CPQ: variants seen among roughly 807,000 people sequenced by gnomAD.
CPQ encodes carboxypeptidase Q, also known as Ser-Met dipeptidase.
In CPQ, 37 loss-of-function variants were observed where a neutral mutation model predicts 45.7. The ratio of observed to expected loss-of-function variants is 0.81; its 90% confidence interval spans 0.62 to 1.07. The LOEUF (loss-of-function observed/expected upper bound fraction) is 1.07. Among genes scored for constraint, CPQ ranks in the 50% least tolerant of loss-of-function variants. The probability of loss-of-function intolerance (pLI) is 0.00; values close to 1 mark genes in which losing one functional copy is unlikely to be tolerated. For missense variants in CPQ, 537 were observed against 572.9 expected, an observed-to-expected ratio of 0.94 and a Z score of 0.64; for synonymous variants, 186 against 205.8, an observed-to-expected ratio of 0.90 and a Z score of 0.82.
In CPQ at chr8:97,143,380, C is replaced by T. The variant is rs1362129999; in HGVS notation, c.*197C>T. On this transcript the variant is annotated 3_prime_UTR_variant, in exon 8 of 8. Coordinates refer to ENST00000220763, the MANE Select transcript of CPQ (RefSeq NM_016134.4). ...AAAAAGGAATCATTCTCCCCTCCCTCCCACCACATAGAATCAACATATGGT... is the reference window on the plus strand; with the variant it reads ...AAAAAGGAATCATTCTCCCCTCCCTTCCACCACATAGAATCAACATATGGT... The T allele has an allele frequency of 9.2e-6, 5 of 545,204 alleles. No individual in the cohort carries two copies. The East Asian group carries it at 1.3e-4, about 14-fold the overall frequency. The allele number at this position is 545,204 out of a possible 1,614,324, so 33.8% of individuals were successfully genotyped here.
At chr8:96,777,854 G>A (rs1262988828) in intron 1 of CPQ, among the ~76,000 whole-genome samples, 8 of 131,894 alleles carry the variant, frequency 6.1e-5, no homozygotes, top group Non-Finnish European at 1.1e-4. Flanking sequence ...TCAGCCTTCC[G>A]AGTAGCTGGG....
intron 4 of CPQ, among the ~76,000 whole-genome samples, chr8:96,906,072 C>T (rs1352350074): frequency 9.6e-6 from 1 of 104,470 alleles, no homozygotes; most frequent in Admixed American, 8.9e-5. Flanking sequence ...CCTGCCACAG[C>T]CCCAGGCAAT....
intron 5 of CPQ, among the ~76,000 whole-genome samples, chr8:96,977,638 C>G (rs561735313): frequency 6.6e-6 from 1 of 152,142 alleles, no homozygotes; most frequent in Non-Finnish European, 1.5e-5. Flanking sequence ...GAATATTACT[C>G]AGCCACAAAA....
intron 1 of CPQ, among the ~76,000 whole-genome samples, chr8:96,735,752 C>T (rs745865333): frequency 6.6e-6 from 1 of 152,126 alleles, no homozygotes; most frequent in Non-Finnish European, 1.5e-5. Flanking sequence ...CTTCTTGTCC[C>T]AGATCTTTCA....
At chr8:96,743,946 C>T (rs1328010853) in intron 1 of CPQ, among the ~76,000 whole-genome samples, 2 of 152,184 alleles carry the variant, frequency 1.3e-5, no homozygotes. Context: ...TGTGCCCTGC[C>T]CCCAGAGGTG....
At chr8:97,039,482 TTTA>T (rs1020790046) in intron 6 of CPQ, among the ~76,000 whole-genome samples, 11 of 151,536 alleles carry the variant, frequency 7.3e-5, no homozygotes, top group Non-Finnish European at 7.4e-5. Flanking sequence ...AGTGACTTCT[TTTA>T]TTATTATTAT....
At chr8:96,956,376 C>T (rs889291946) in intron 4 of CPQ, among the ~76,000 whole-genome samples, 8 of 152,134 alleles carry the variant, frequency 5.3e-5, no homozygotes, top group Admixed American at 1.3e-4. Context: ...AAATCATTTT[C>T]GGACCATTTT....
intron 2 of CPQ, among the ~76,000 whole-genome samples, chr8:96,792,868 C>T (rs1368662636): frequency 6.6e-6 from 1 of 152,110 alleles, no homozygotes; most frequent in Non-Finnish European, 1.5e-5. Flanking sequence ...ATCACAGTTC[C>T]ACATGGCTGG....
chr8:97,015,781 A>G (rs999602083), intron 5 of CPQ, among the ~76,000 whole-genome samples: 3 of 152,162 alleles, frequency 2.0e-5, no homozygotes, highest in African/African-American at 4.8e-5. Context: ...TAAATGCCCA[A>G]TAATAAGGGA....
At chr8:96,650,456 G>A (rs1815564952) in intron 1 of CPQ, among the ~76,000 whole-genome samples, 1 of 152,174 alleles carries the variant, frequency 6.6e-6, no homozygotes, top group Non-Finnish European at 1.5e-5. Context: ...GGAAGCAGGT[G>A]CAGCCAGGCA....
chr8:97,054,015 G>T (rs576648473), intron 6 of CPQ, among the ~76,000 whole-genome samples: 1 of 152,120 alleles, frequency 6.6e-6, no homozygotes, highest in Non-Finnish European at 1.5e-5. Flanking sequence ...AGGGGGAAAA[G>T]GGGGAGATAA....
chr8:97,040,031 A>G (rs1056267597), intron 6 of CPQ, among the ~76,000 whole-genome samples: 7 of 151,720 alleles, frequency 4.6e-5, no homozygotes, highest in African/African-American at 1.7e-4. Context: ...TGGTATTTCT[A>G]GTTCTAGATC....
intron 2 of CPQ, among the ~76,000 whole-genome samples, chr8:96,821,563 G>A (rs1811308227): frequency 6.6e-6 from 1 of 151,660 alleles, no homozygotes; most frequent in Non-Finnish European, 1.5e-5. Context: ...CCTTCTTAGT[G>A]CCTCAAACTA....
intron 2 of CPQ, among the ~76,000 whole-genome samples, chr8:96,817,092 C>T (rs1041221517): frequency 2.0e-5 from 3 of 152,198 alleles, no homozygotes; most frequent in African/African-American, 4.8e-5. Context: ...ATTGACTTCT[C>T]TCTAGCTATG....
intron 2 of CPQ, among the ~76,000 whole-genome samples, chr8:96,802,690 T>C (rs1324691165): frequency 6.6e-6 from 1 of 152,192 alleles, no homozygotes; most frequent in African/African-American, 2.4e-5. Context: ...AGGTCTGCTA[T>C]TGGTAAATGC....
chr8:96,795,187 A>G (rs577225480), intron 2 of CPQ, among the ~76,000 whole-genome samples: 1 of 152,296 alleles, frequency 6.6e-6, no homozygotes, highest in Admixed American at 6.5e-5. Flanking sequence ...AAAGAAAGAG[A>G]TTTACTAGAC....
At chr8:96,761,113 A>G (rs1408892350) in intron 1 of CPQ, 1 of 152,160 alleles carries the variant, frequency 6.6e-6, no homozygotes, top group East Asian at 1.9e-4. Flanking sequence ...TTAATGCAGT[A>G]TTGTCAAAAT....
intron 7 of CPQ, among the ~76,000 whole-genome samples, chr8:97,081,190 T>C (rs1810944261): frequency 6.6e-6 from 1 of 152,130 alleles, no homozygotes; most frequent in Non-Finnish European, 1.5e-5. Context: ...ACAGATATTG[T>C]TTAATACCTT....
At chr8:96,905,298 C>T (rs1812561888) in intron 4 of CPQ, among the ~76,000 whole-genome samples, 1 of 152,140 alleles carries the variant, frequency 6.6e-6, no homozygotes, top group Non-Finnish European at 1.5e-5. Context: ...CAGGCCCTTC[C>T]TCTAACATGT....
Sources: gnomAD v4.1 joint callset for allele counts (sites outside exome capture counted in the v4.1 genomes callset) on GRCh38, gnomAD v4.1.1 for gene constraint, MANE v1.5 for transcripts, NCBI Gene and HGNC (gene_info 2026-07-23, HGNC 2026-07-21) for gene names.